The following ELMO1 variants were observed in gnomAD, a reference collection of about 807,000 sequenced individuals.
ELMO1 encodes engulfment and cell motility 1.
Under a neutral mutation model 98.9 loss-of-function variants are expected in ELMO1, and 26 were observed. The ratio of observed to expected loss-of-function variants is 0.26; its 90% confidence interval spans 0.19 to 0.36. The LOEUF is 0.36. Ranked by LOEUF, ELMO1 falls within the 10% of genes least tolerant of loss-of-function variation. ELMO1 has a pLI of 1.00. For synonymous variants in ELMO1, 346 were observed against 346.0 expected, an observed-to-expected ratio of 1.00 and a Z score of 0.00; for missense variants, 627 against 935.2, an observed-to-expected ratio of 0.67 and a Z score of 4.30.
At chr7:37,076,743 CTCCT>C (rs1396650900) in intron 15 of ELMO1, among the ~76,000 whole-genome samples, 1 of 152,208 alleles carries the variant, frequency 6.6e-6, no homozygotes, top group African/African-American at 2.4e-5. Flanking sequence ...GGTTTCTCAC[CTCCT>C]TCCGACTGCC....
rs778962156 is a variant in ELMO1, at chr7:37,133,205, C to T, written c.1116G>A (p.Thr372=). The change falls in exon 14 of 22, where the codon ACG becomes ACA. Residue 372 remains threonine, a synonymous_variant. Transcript: ENST00000310758. Reference sequence around the variant, plus strand: ...GAGCCAACATCCCAGGTGGAGTCTGCGTGAAGTCCATGGCAGGGTTGACAT... The same window carrying T: ...GAGCCAACATCCCAGGTGGAGTCTGTGTGAAGTCCATGGCAGGGTTGACAT... ...INHVNPAMDF[T]QTPPGMLALD... 46 of 1,611,246 alleles carry T rather than the reference C, an allele frequency of 2.9e-5. 1 individual carries two copies. The highest frequency in any genetic ancestry group is 4.5e-5 in the East Asian group (2 of 44,638).
rs112097786 is a variant in ELMO1, at chr7:37,228,445, A to G, written c.550-3415T>C. The stretch of plus-strand genomic sequence containing the variant: ...TACTTTTGGGTGACACAAGTGAGCC[A>G]ACCCAAGCCAGCCACAGTACAGCTT... On this transcript the variant is annotated intron_variant, in intron 8 of 21. Coordinates refer to ENST00000310758, the MANE Select transcript of ELMO1 (RefSeq NM_014800.11). Among the ~76,000 whole-genome samples, 4 of 152,328 alleles carry G rather than the reference A, an allele frequency of 2.6e-5. 1 individual carries two copies. The highest frequency in any genetic ancestry group is 9.6e-5 in the African/African-American group (4 of 41,574).
chr7:37,184,343 G>T (rs1431411691), intron 13 of ELMO1, among the ~76,000 whole-genome samples: 1 of 152,122 alleles, frequency 6.6e-6, no homozygotes, highest in Non-Finnish European at 1.5e-5. Flanking sequence ...CTTTGAGTAG[G>T]CTCCATGCAT....
chr7:37,284,865 C>A (rs1797313001), intron 4 of ELMO1, among the ~76,000 whole-genome samples: 1 of 152,128 alleles, frequency 6.6e-6, no homozygotes, highest in African/African-American at 2.4e-5. Context: ...TGCTTTCTGA[C>A]AGGTTGCCAG....
chr7:37,090,234 T>C (rs1293870327), intron 15 of ELMO1, among the ~76,000 whole-genome samples: 2 of 152,216 alleles, frequency 1.3e-5, no homozygotes, highest in South Asian at 2.1e-4. Flanking sequence ...GCAGGACATT[T>C]TGAGTTGAGA....
intron 2 of ELMO1, among the ~76,000 whole-genome samples, chr7:37,341,966 C>T (rs1252596329): frequency 1.3e-5 from 2 of 152,148 alleles, no homozygotes; most frequent in Non-Finnish European, 1.5e-5. Flanking sequence ...TCACACCATA[C>T]AATTCTCAAG....
chr7:37,266,905 C>G (rs530201207), intron 5 of ELMO1, among the ~76,000 whole-genome samples: 162 of 151,664 alleles, frequency 1.1e-3, no homozygotes, highest in African/African-American at 3.7e-3. Flanking sequence ...CCCAGCTACT[C>G]GGGAGGCTGA....
chr7:37,381,397 C>T (rs1033538454), intron 1 of ELMO1, among the ~76,000 whole-genome samples: 2 of 152,108 alleles, frequency 1.3e-5, no homozygotes, highest in African/African-American at 4.8e-5. Context: ...AGTTCCAGTA[C>T]CAAAGGCAGA....
At chr7:36,990,125 A>C (rs1185735975) in intron 16 of ELMO1, among the ~76,000 whole-genome samples, 1 of 152,192 alleles carries the variant, frequency 6.6e-6, no homozygotes, top group East Asian at 1.9e-4. Context: ...GGAAACTTCC[A>C]AAGAATTTTT....
intron 16 of ELMO1, among the ~76,000 whole-genome samples, chr7:37,004,338 C>T (rs887484172): frequency 6.6e-6 from 1 of 152,128 alleles, no homozygotes; most frequent in African/African-American, 2.4e-5. Flanking sequence ...TACACAGCCC[C>T]AATGTATAGT....
chr7:37,229,177 C>G (rs1794030077), intron 8 of ELMO1, among the ~76,000 whole-genome samples: 1 of 152,162 alleles, frequency 6.6e-6, no homozygotes, highest in South Asian at 2.1e-4. Flanking sequence ...AAGCCAGGTT[C>G]TCCTGCACAG....
chr7:37,157,403 A>C (rs1261102628), intron 13 of ELMO1, among the ~76,000 whole-genome samples: 1 of 152,230 alleles, frequency 6.6e-6, no homozygotes, highest in East Asian at 1.9e-4. Flanking sequence ...ACATGATTGT[A>C]TATCTAGAAA....
chr7:37,386,935 T>A (rs985396709), intron 1 of ELMO1, among the ~76,000 whole-genome samples: 1 of 152,216 alleles, frequency 6.6e-6, no homozygotes, highest in African/African-American at 2.4e-5. Context: ...CCAGAGAGTC[T>A]CAATTAATTG....
intron 1 of ELMO1, among the ~76,000 whole-genome samples, chr7:37,364,697 T>G (rs1238459302): frequency 6.6e-6 from 1 of 152,194 alleles, no homozygotes; most frequent in Non-Finnish European, 1.5e-5. Flanking sequence ...CAAGTTTTGC[T>G]TGAGGAAGGA....
At chr7:37,278,332 A>G (rs1381911474) in intron 4 of ELMO1, among the ~76,000 whole-genome samples, 1 of 151,908 alleles carries the variant, frequency 6.6e-6, no homozygotes, top group Non-Finnish European at 1.5e-5. Flanking sequence ...TGTTTCAATA[A>G]ATTGAAAGGC....
intron 15 of ELMO1, among the ~76,000 whole-genome samples, chr7:37,028,838 T>C (rs1794726473): frequency 6.6e-6 from 1 of 152,202 alleles, no homozygotes; most frequent in African/African-American, 2.4e-5. Flanking sequence ...ATCCATTTCC[T>C]TTAATAAAAG....
intron 2 of ELMO1, among the ~76,000 whole-genome samples, chr7:37,319,913 T>C (rs1799391245): frequency 1.3e-5 from 2 of 152,178 alleles, no homozygotes; most frequent in Non-Finnish European, 2.9e-5. Context: ...TACACAAAAT[T>C]AGACTTTCCC....
chr7:37,428,078 T>A (rs909724742), intron 1 of ELMO1, among the ~76,000 whole-genome samples: 2 of 150,272 alleles, frequency 1.3e-5, no homozygotes, highest in African/African-American at 4.9e-5. Flanking sequence ...CACACACACG[T>A]TGGAGGGGAA....
intron 13 of ELMO1, among the ~76,000 whole-genome samples, chr7:37,138,431 G>C (rs1400246654): frequency 6.6e-6 from 1 of 152,070 alleles, no homozygotes; most frequent in African/African-American, 2.4e-5. Context: ...ATTATTCAAG[G>C]CTTCTATGAA....
Sources: gnomAD v4.1 joint callset for allele counts (sites outside exome capture counted in the v4.1 genomes callset) on GRCh38, gnomAD v4.1.1 for gene constraint, MANE v1.5 for transcripts, NCBI Gene and HGNC (gene_info 2026-07-23, HGNC 2026-07-21) for gene names.